The following PITPNM2 variants were observed in gnomAD, a reference collection of about 807,000 sequenced individuals.
PITPNM2 encodes phosphatidylinositol transfer protein membrane associated 2.
Under a neutral mutation model 132.2 loss-of-function variants are expected in PITPNM2, and 35 were observed. The observed-to-expected ratio is 0.26, with a 90% CI of 0.20 to 0.35. The LOEUF is 0.35. PITPNM2 is among the 10% of genes least tolerant of loss of function. PITPNM2 has a pLI of 1.00. For synonymous variants in PITPNM2, 738 were observed against 799.2 expected (o/e 0.92, Z 1.29); for missense variants, 1,332 against 1,912.0 (o/e 0.70, Z 5.66).
intron 2 of PITPNM2, among the ~76,000 whole-genome samples, chr12:123,054,704 A>G (rs1450089818): frequency 6.6e-6 from 1 of 152,206 alleles, no homozygotes; most frequent in African/African-American, 2.4e-5. Flanking sequence ...AGGATGATAC[A>G]TCTTGCTTTG....
At chr12:123,050,095 A>G (rs1181230668) in intron 2 of PITPNM2, among the ~76,000 whole-genome samples, 1 of 152,220 alleles carries the variant, frequency 6.6e-6, no homozygotes, top group Non-Finnish European at 1.5e-5. Flanking sequence ...GCCCTCCTCA[A>G]GAGCATGTGC....
chr12:123,088,835 A>T (rs2042184777), intron 2 of PITPNM2: 1 of 152,168 alleles, frequency 6.6e-6, no homozygotes, highest in African/African-American at 2.4e-5. Flanking sequence ...CGACAGCAAC[A>T]ACTTGGAATC....
intron 18 of PITPNM2, among the ~76,000 whole-genome samples, chr12:122,989,553 G>A (rs967035145): frequency 2.0e-5 from 3 of 152,082 alleles, no homozygotes; most frequent in African/African-American, 2.4e-5. Context: ...AGCTTTCCCC[G>A]GAGCTTCCTT....
chr12:123,121,903 G>C lies in PITPNM2; in HGVS notation c.-199-11415C>G, dbSNP rs931003110. Among the ~76,000 whole-genome samples, 38 of 152,130 alleles carry C rather than the reference G, an allele frequency of 2.5e-4. 1 individual carries two copies. The highest frequency in any genetic ancestry group is 1.0e-3 in the South Asian group (5 of 4,814). On this transcript the variant is annotated intron_variant, in intron 1 of 25. Transcript: ENST00000320201. ...AGGGTTTCGCTCTGTCACCCAGGCTGGAGTACAGTGGCATGATCTTGGCTC... is the reference window on the plus strand; with the variant it reads ...AGGGTTTCGCTCTGTCACCCAGGCTCGAGTACAGTGGCATGATCTTGGCTC...
Position 123,009,548 on chromosome 12 carries a change from C to T in PITPNM2, c.643+302G>A, listed in dbSNP as rs996976918. ...ACTCAGACCTGTGGAGTGTGGGCTA[C>T]TCTTTATCAAATGCGAACTAGGTCA... On this transcript the variant is annotated intron_variant, in intron 6 of 25. Transcript: ENST00000320201. The surrounding 1 kb of genome is among the most constrained non-coding windows in gnomAD (Gnocchi z 4.8). Among the ~76,000 whole-genome samples the T allele has an allele frequency of 6.6e-6, 1 of 152,192 alleles. No homozygotes were observed. Among genetic ancestry groups the T allele is most frequent in the Non-Finnish European group, 1.5e-5 (1 of 68,034 alleles).
At chr12:123,014,782 G>A (rs879703711) in intron 3 of PITPNM2, among the ~76,000 whole-genome samples, 5 of 152,148 alleles carry the variant, frequency 3.3e-5, no homozygotes, top group African/African-American at 7.2e-5. Flanking sequence ...AAACTATTTC[G>A]ATTTCCTGAT....
chr12:122,987,213 T>G, intron 23 of PITPNM2, 68 bp downstream of exon 23: 2 of 1,590,686 alleles, frequency 1.3e-6, no homozygotes, highest in Non-Finnish European at 1.7e-6. Context: ...CTCCTCCACC[T>G]GGCTGGTGGG....
intron 3 of PITPNM2, among the ~76,000 whole-genome samples, chr12:123,026,603 A>G (rs1013304550): frequency 6.6e-6 from 1 of 152,206 alleles, no homozygotes; most frequent in South Asian, 2.1e-4. Flanking sequence ...CTGGTGACCC[A>G]CCTGCCAGCA....
chr12:123,123,377 C>G (rs903911028), intron 1 of PITPNM2, among the ~76,000 whole-genome samples: 1 of 152,102 alleles, frequency 6.6e-6, no homozygotes, highest in Non-Finnish European at 1.5e-5. Context: ...TCTAGGAGGC[C>G]GAGGTGAGAG....
At chr12:123,061,921 T>G in intron 2 of PITPNM2, among the ~76,000 whole-genome samples, 1 of 152,128 alleles carries the variant, frequency 6.6e-6, no homozygotes, top group Non-Finnish European at 1.5e-5. Flanking sequence ...GAGATGGAGT[T>G]GGGTGCGGAG....
intron 2 of PITPNM2, among the ~76,000 whole-genome samples, chr12:123,063,631 G>A (rs1252868629): frequency 6.6e-6 from 1 of 152,192 alleles, no homozygotes; most frequent in African/African-American, 2.4e-5. Context: ...TCAGAATGCA[G>A]ATGAGACCTA....
intron 2 of PITPNM2, among the ~76,000 whole-genome samples, chr12:123,109,553 T>G (rs1289957934): frequency 6.6e-6 from 1 of 152,226 alleles, no homozygotes; most frequent in African/African-American, 2.4e-5. Flanking sequence ...ACCACACTCA[T>G]GCTTGTTTCT....
At chr12:123,033,503 C>G (rs1198442448) in intron 3 of PITPNM2, among the ~76,000 whole-genome samples, 2 of 152,178 alleles carry the variant, frequency 1.3e-5, no homozygotes, top group African/African-American at 4.8e-5. Context: ...GTCTCTGGCT[C>G]GTCAAAGGAG....
chr12:123,052,819 A>C (rs1034163275), intron 2 of PITPNM2, among the ~76,000 whole-genome samples: 5 of 140,398 alleles, frequency 3.6e-5, no homozygotes, highest in Non-Finnish European at 6.1e-5. Flanking sequence ...ACCAGCCTGT[A>C]GTTTTGTTGA....
chr12:123,078,489 A>T lies in PITPNM2; in HGVS notation c.-96+31896T>A, dbSNP rs1482159438. Among the ~76,000 whole-genome samples the T allele has an allele frequency of 6.6e-6, 1 of 152,096 alleles. No individual in the cohort carries two copies. Among genetic ancestry groups the T allele is most frequent in the African/African-American group, 2.4e-5 (1 of 41,412 alleles). On this transcript the variant is annotated intron_variant, in intron 2 of 25. Transcript: ENST00000320201. The surrounding 1 kb of genome is among the most constrained non-coding windows in gnomAD (Gnocchi z 7.3). ...TGCCCAGCCAGAGCCTGAAGTCGGG[A>T]CCCCAGAGACTAAAGTGACCCTCTC...
chr12:122,998,521 A>C (rs548163747), intron 10 of PITPNM2, among the ~76,000 whole-genome samples: 11 of 152,308 alleles, frequency 7.2e-5, no homozygotes, highest in Admixed American at 7.2e-4. Flanking sequence ...CCCCTGCCCC[A>C]AGCTTCTGGT....
chr12:123,046,900 A>T (rs1004114837), intron 2 of PITPNM2, among the ~76,000 whole-genome samples: 3 of 152,376 alleles, frequency 2.0e-5, no homozygotes, highest in South Asian at 4.1e-4. Flanking sequence ...AGTCAAGTGT[A>T]TCTTACTGTA....
chr12:123,129,428 G>A (rs2043215154), intron 1 of PITPNM2, among the ~76,000 whole-genome samples: 1 of 151,954 alleles, frequency 6.6e-6, no homozygotes, highest in African/African-American at 2.4e-5. Flanking sequence ...AAATTAGCTG[G>A]GCATGGTGGC....
chr12:123,021,735 C>T, intron 3 of PITPNM2: 8 of 981,674 alleles, frequency 8.1e-6, no homozygotes, highest in African/African-American at 3.5e-5. Context: ...GCAGAACATG[C>T]GGGCTTAGAG....
Sources: gnomAD v4.1 joint callset for allele counts (sites outside exome capture counted in the v4.1 genomes callset) on GRCh38, gnomAD v4.1.1 for gene constraint, Gnocchi (gnomAD v3.1) non-coding constraint, MANE v1.5 for transcripts, NCBI Gene and HGNC (gene_info 2026-07-23, HGNC 2026-07-21) for gene names.